The following RORB variants were observed in gnomAD, a reference collection of about 807,000 sequenced individuals.
RORB encodes nuclear receptor ROR-beta.
In RORB, 6 loss-of-function variants were observed where a neutral mutation model predicts 59.1. That is an observed-to-expected ratio of 0.10 (90% CI 0.06 to 0.20). The LOEUF (loss-of-function observed/expected upper bound fraction) is 0.20. RORB is among the 10% of genes least tolerant of loss of function. The pLI is 1.00. For synonymous variants in RORB, 215 were observed against 204.5 expected (o/e 1.05, Z -0.44); for missense variants, 320 against 560.5 (o/e 0.57, Z 4.33).
intron 4 of RORB, among the ~76,000 whole-genome samples, chr9:74,648,676 G>A (rs17060387): frequency 0.13 from 19,889 of 152,096 alleles, 1,420 homozygotes; most frequent in Middle Eastern, 0.17. Flanking sequence ...TGTCAAATCA[G>A]AACCGTGCAC....
At chr9:74,542,537 C>G (rs899184469) in intron 1 of RORB, among the ~76,000 whole-genome samples, 2 of 152,048 alleles carry the variant, frequency 1.3e-5, no homozygotes, top group Non-Finnish European at 1.5e-5. Flanking sequence ...AGATGAAGGT[C>G]TACCATAAAA....
intron 1 of RORB, among the ~76,000 whole-genome samples, chr9:74,597,460 A>T (rs1273569826): frequency 6.6e-6 from 1 of 152,264 alleles, no homozygotes; most frequent in Non-Finnish European, 1.5e-5. Flanking sequence ...ACATTATTAA[A>T]TTTAAATATC....
chr9:74,522,439 A>G (rs774303984), intron 1 of RORB, among the ~76,000 whole-genome samples: 4 of 151,784 alleles, frequency 2.6e-5, no homozygotes, highest in African/African-American at 7.2e-5. Context: ...AAATTATTCT[A>G]TACAGTGATT....
chr9:74,630,518 G>T, intron 2 of RORB, 151 bp downstream of exon 2: 2 of 489,396 alleles, frequency 4.1e-6, no homozygotes, highest in Admixed American at 3.5e-5. Flanking sequence ...GGGTGGGAGG[G>T]TTGATTTTCT....
intron 1 of RORB, among the ~76,000 whole-genome samples, chr9:74,544,746 A>G (rs758062343): frequency 5.9e-5 from 9 of 152,196 alleles, no homozygotes; most frequent in Admixed American, 1.3e-4. Flanking sequence ...GTGCACAGGA[A>G]TCCTGAGGGG....
At chr9:74,591,147 G>A (rs1053754947) in intron 1 of RORB, among the ~76,000 whole-genome samples, 2 of 152,170 alleles carry the variant, frequency 1.3e-5, no homozygotes, top group African/African-American at 4.8e-5. Context: ...AATGAAAAGA[G>A]GTAACGATGA....
intron 9 of RORB, among the ~76,000 whole-genome samples, 198 bp from the exon 10 acceptor site, chr9:74,685,265 T>A (rs1386017835): frequency 1.6e-5 from 1 of 61,206 alleles, no homozygotes; most frequent in East Asian, 5.1e-4. Flanking sequence ...TAGGAGATGG[T>A]GTCCGGGGGG....
At chr9:74,556,676 CA>C (rs71497351) in intron 1 of RORB, among the ~76,000 whole-genome samples, 4,295 of 152,146 alleles carry the variant, frequency 0.028, 102 homozygotes, top group Non-Finnish European at 0.041. Context: ...ATGGCAACAA[CA>C]ACAAAAAAAA....
chr9:74,604,222 T>C (rs1823114861), intron 1 of RORB, among the ~76,000 whole-genome samples: 1 of 152,246 alleles, frequency 6.6e-6, no homozygotes. Context: ...TTTGAATCCT[T>C]GCCTGTTTTG....
chr9:74,549,603 A>AGGAAGGAT, intron 1 of RORB, among the ~76,000 whole-genome samples: 1 of 54,960 alleles, frequency 1.8e-5, no homozygotes, highest in South Asian at 5.1e-4. Context: ...GAAGGAAGGA[A>AGGAAGGAT]GGAAGAAAGG....
chr9:74,512,459 A>G (rs1825952404), intron 1 of RORB, among the ~76,000 whole-genome samples: 1 of 152,220 alleles, frequency 6.6e-6, no homozygotes, highest in Non-Finnish European at 1.5e-5. Context: ...CTGCTAAAGT[A>G]GTCTTCATAT....
chr9:74,676,533 A>C (rs983169978), intron 9 of RORB, among the ~76,000 whole-genome samples: 4 of 152,228 alleles, frequency 2.6e-5, no homozygotes, highest in African/African-American at 9.6e-5. Context: ...TTCTGAAAAC[A>C]TGTTCAAGTG....
intron 1 of RORB, among the ~76,000 whole-genome samples, chr9:74,528,154 G>C (rs548384787): frequency 2.6e-5 from 4 of 151,988 alleles, no homozygotes; most frequent in Non-Finnish European, 5.9e-5. Flanking sequence ...GCAAGGATCA[G>C]AGAGACCTTG....
intron 1 of RORB, among the ~76,000 whole-genome samples, chr9:74,604,877 CA>C (rs1367198187): frequency 6.6e-6 from 1 of 152,160 alleles, no homozygotes; most frequent in Non-Finnish European, 1.5e-5. Context: ...TTTAGGACAG[CA>C]ACTTGAACAA....
intron 8 of RORB, among the ~76,000 whole-genome samples, chr9:74,668,724 G>A (rs1172396990): frequency 6.6e-6 from 1 of 152,132 alleles, no homozygotes; most frequent in Non-Finnish European, 1.5e-5. Context: ...CATCATGGTC[G>A]TCTTCATGCT....
intron 9 of RORB, among the ~76,000 whole-genome samples, chr9:74,676,399 T>C (rs1272089288): frequency 6.6e-6 from 1 of 152,230 alleles, no homozygotes; most frequent in Non-Finnish European, 1.5e-5. Context: ...CAGGAAGCCA[T>C]AGAGAACTGC....
At position 74,497,909 on chromosome 9, in the gene RORB, T is replaced by TTTG; in HGVS notation, c.-67_-65dup. 4 of 1,592,942 alleles carry TTTG rather than the reference T, an allele frequency of 2.5e-6. No homozygotes were observed. Among genetic ancestry groups the TTTG allele is most frequent in the Non-Finnish European group, 3.4e-6 (4 of 1,168,194 alleles). On this transcript the variant is annotated 5_prime_UTR_variant, in exon 1 of 10. Transcript: ENST00000376896. ...TTCTTCACTCGTGCTGAGCGGGATTTTTGGGCTCTCCGGGGTTCGGGCTGG... is the reference window on the plus strand; with the variant it reads ...TTCTTCACTCGTGCTGAGCGGGATTTTTGTTGGGCTCTCCGGGGTTCGGGCTGG...
chr9:74,573,373 GT>G (rs1488596984), intron 1 of RORB, among the ~76,000 whole-genome samples: 1 of 150,354 alleles, frequency 6.7e-6, no homozygotes, highest in Non-Finnish European at 1.5e-5. Context: ...GACAACGTCA[GT>G]GCTTGAATTT....
intron 1 of RORB, among the ~76,000 whole-genome samples, chr9:74,618,139 A>G (rs963426570): frequency 6.6e-6 from 1 of 152,040 alleles, no homozygotes; most frequent in Non-Finnish European, 1.5e-5. Context: ...ACGCACACAC[A>G]CACACGCACA....
Sources: gnomAD v4.1 joint callset for allele counts (sites outside exome capture counted in the v4.1 genomes callset) on GRCh38, gnomAD v4.1.1 for gene constraint, MANE v1.5 for transcripts, NCBI Gene and HGNC (gene_info 2026-07-23, HGNC 2026-07-21) for gene names.